The following SUGCT variants were observed in gnomAD, a reference collection of about 807,000 sequenced individuals.
The protein encoded by SUGCT is succinyl-CoA:glutarate CoA-transferase.
Under a neutral mutation model 55.0 loss-of-function variants are expected in SUGCT, and 41 were observed. That is an observed-to-expected ratio of 0.74 (90% confidence interval 0.58 to 0.97). The LOEUF (loss-of-function observed/expected upper bound fraction) is 0.97, where lower values mean the gene tolerates loss of function less well. Ranked by LOEUF, SUGCT falls within the 50% of genes least tolerant of loss-of-function variation. The pLI, the probability that SUGCT is intolerant of heterozygous loss-of-function variation, is 0.00. For missense variants in SUGCT, 568 were observed against 547.8 expected (o/e 1.04, Z -0.37); for synonymous variants, 187 against 200.4 (o/e 0.93, Z 0.56).
intron 9 of SUGCT, among the ~76,000 whole-genome samples, chr7:40,342,877 A>G (rs757447375): frequency 2.7e-4 from 41 of 152,182 alleles, no homozygotes; most frequent in Non-Finnish European, 5.1e-4. Flanking sequence ...TCCTGACCTC[A>G]AGTGATCCGC....
At chr7:40,207,156 C>A (rs1001430132) in intron 6 of SUGCT, among the ~76,000 whole-genome samples, 2 of 152,034 alleles carry the variant, frequency 1.3e-5, no homozygotes, top group Non-Finnish European at 2.9e-5. Flanking sequence ...TATGTTGTGC[C>A]ACTGCACTCC....
At chr7:40,306,507 A>C (rs2151088736) in intron 8 of SUGCT, among the ~76,000 whole-genome samples, 1 of 152,334 alleles carries the variant, frequency 6.6e-6, no homozygotes, top group African/African-American at 2.4e-5. Context: ...ATAATTACTT[A>C]TTAAATATCT....
At chr7:40,357,917 C>G (rs1370173305) in intron 9 of SUGCT, among the ~76,000 whole-genome samples, 1 of 152,108 alleles carries the variant, frequency 6.6e-6, no homozygotes, top group Non-Finnish European at 1.5e-5. Flanking sequence ...TTGCTGACCC[C>G]TACTGTTGAG....
intron 7 of SUGCT, among the ~76,000 whole-genome samples, chr7:40,257,396 A>G (rs1045208909): frequency 6.6e-6 from 1 of 152,248 alleles, no homozygotes; most frequent in South Asian, 2.1e-4. Flanking sequence ...TGGCACTGGT[A>G]CGCTGGAATC....
chr7:40,583,328 CA>C (rs2151715698), intron 12 of SUGCT, among the ~76,000 whole-genome samples: 1 of 151,976 alleles, frequency 6.6e-6, no homozygotes, highest in East Asian at 1.9e-4. Context: ...ATAGATTTTT[CA>C]ATTTTTTTTT....
intron 9 of SUGCT, among the ~76,000 whole-genome samples, chr7:40,358,752 A>ACAACAACAACAACAC (rs1363930300): frequency 6.6e-6 from 1 of 151,966 alleles, no homozygotes; most frequent in African/African-American, 2.4e-5. Flanking sequence ...AACAACAACA[A>ACAACAACAACAACAC]CACTACTATT....
chr7:40,721,943 C>T (rs766271626), intron 12 of SUGCT, among the ~76,000 whole-genome samples: 4 of 152,130 alleles, frequency 2.6e-5, no homozygotes, highest in South Asian at 4.1e-4. Flanking sequence ...AGGAGATTTT[C>T]GTATTGCATC....
At chr7:40,590,033 G>A (rs1162343521) in intron 12 of SUGCT, among the ~76,000 whole-genome samples, 4 of 152,044 alleles carry the variant, frequency 2.6e-5, no homozygotes, top group Non-Finnish European at 4.4e-5. Flanking sequence ...TCTGTGTCAC[G>A]TTTTGGTATT....
At chr7:40,172,003 C>T (rs1301051167) in intron 1 of SUGCT, among the ~76,000 whole-genome samples, 1 of 152,176 alleles carries the variant, frequency 6.6e-6, no homozygotes, top group Non-Finnish European at 1.5e-5. Flanking sequence ...TCCCTTTTCT[C>T]TCTTTCCCTC....
At chr7:40,357,164 T>C (rs980783158) in intron 9 of SUGCT, among the ~76,000 whole-genome samples, 1 of 152,196 alleles carries the variant, frequency 6.6e-6, no homozygotes, top group Non-Finnish European at 1.5e-5. Context: ...AATTCTGCTG[T>C]TTTAAGATAG....
At chr7:40,911,681 A>G in the SUGCT span, among the ~76,000 whole-genome samples, 1 of 152,028 alleles carries the variant, frequency 6.6e-6, no homozygotes, top group Non-Finnish European at 1.5e-5. Flanking sequence ...ACTGGCCTAT[A>G]TACACTAGAT....
chr7:40,155,979 T>G (rs1783872987), intron 1 of SUGCT, among the ~76,000 whole-genome samples: 1 of 151,978 alleles, frequency 6.6e-6, no homozygotes, highest in South Asian at 2.1e-4. Context: ...TGCCTCAGCT[T>G]CTGAGTATCT....
intron 12 of SUGCT, among the ~76,000 whole-genome samples, chr7:40,509,930 C>CT (rs1430492131): frequency 1.3e-5 from 2 of 152,144 alleles, no homozygotes; most frequent in African/African-American, 4.8e-5. Flanking sequence ...AATGTTCCAA[C>CT]TTTAAAGCAA....
the SUGCT span, among the ~76,000 whole-genome samples, chr7:41,032,075 A>G: frequency 6.6e-6 from 1 of 152,166 alleles, no homozygotes; most frequent in East Asian, 1.9e-4. Context: ...CTGGGGGATT[A>G]TATGAACAAG....
rs1787701904 is a variant in SUGCT at position 40,136,454 on chromosome 7, T to G, written c.100+1334T>G. Reference sequence around the variant, plus strand: ...TCCCAAGCTGACGAGTGTGGTATCTTCTCAGCTTCTATCCTCCTTGATGAA... The same window carrying G: ...TCCCAAGCTGACGAGTGTGGTATCTGCTCAGCTTCTATCCTCCTTGATGAA... On this transcript the variant is annotated intron_variant, in intron 1 of 13. Coordinates refer to ENST00000335693, the MANE Select transcript of SUGCT (RefSeq NM_001193313.2). Among the ~76,000 whole-genome samples, 4 of 152,206 alleles carry G rather than the reference T, an allele frequency of 2.6e-5. No individual in the cohort carries two copies. In the South Asian group the frequency reaches 8.3e-4, roughly 31 times the overall value.
intron 13 of SUGCT, among the ~76,000 whole-genome samples, chr7:40,771,519 A>G (rs188846906): frequency 1.1e-4 from 17 of 152,318 alleles, no homozygotes; most frequent in Admixed American, 6.5e-4. Context: ...GGTTCAGAGC[A>G]ATCCAGGATC....
intron 12 of SUGCT, among the ~76,000 whole-genome samples, chr7:40,676,486 C>T (rs926835600): frequency 1.3e-4 from 20 of 149,476 alleles, no homozygotes; most frequent in African/African-American, 5.0e-4. Context: ...AGAAAAATCC[C>T]TTGCGGTTTT....
At chr7:40,271,684 C>T (rs1792026754) in intron 7 of SUGCT, among the ~76,000 whole-genome samples, 1 of 152,142 alleles carries the variant, frequency 6.6e-6, no homozygotes, top group Non-Finnish European at 1.5e-5. Context: ...GTTCTAGGAA[C>T]ATTCCAATTA....
the SUGCT span, among the ~76,000 whole-genome samples, chr7:41,014,982 C>G: frequency 1.3e-5 from 2 of 152,094 alleles, no homozygotes; most frequent in African/African-American, 2.4e-5. Flanking sequence ...CAATAAATTA[C>G]CTGAGAATTA....
Sources: gnomAD v4.1 joint callset for allele counts (sites outside exome capture counted in the v4.1 genomes callset) on GRCh38, gnomAD v4.1.1 for gene constraint, MANE v1.5 for transcripts, NCBI Gene and HGNC (gene_info 2026-07-23, HGNC 2026-07-21) for gene names.